The following RCAN3 variants were observed in gnomAD, a reference collection of about 807,000 sequenced individuals.
RCAN3 encodes the protein regulator of calcineurin 3, also known as calcipressin-3.
RCAN3 carries 19 observed loss-of-function variants against 21.9 expected under a neutral mutation model. The observed-to-expected ratio is 0.87, with a 90% CI of 0.61 to 1.27. RCAN3 has a LOEUF of 1.27. Among genes scored for constraint, RCAN3 ranks in the 50% most tolerant of loss-of-function variants. The pLI is 0.00. For missense variants in RCAN3, 240 were observed against 300.1 expected (o/e 0.80, Z 1.48); for synonymous variants, 114 against 112.3 (o/e 1.01, Z -0.09).
Position 24,536,991 on chromosome 1 carries a change from C to T in RCAN3, c.*1714C>T, listed in dbSNP as rs1356748647. On this transcript the variant is annotated 3_prime_UTR_variant, in exon 5 of 5. Coordinates refer to ENST00000374395, the MANE Select transcript of RCAN3 (RefSeq NM_013441.4). ...TTTGTCATTTTAACCGACAACCACC[C>T]AATAAATTTACTCTGCAGTTCTGAA... 3 of 152,094 alleles carry T rather than the reference C, an allele frequency of 2.0e-5. No homozygotes were observed. Among genetic ancestry groups the T allele is most frequent in the African/African-American group, 7.2e-5 (3 of 41,396 alleles). The allele number at this position is 152,094 out of a possible 1,614,324, so 9.4% of individuals were successfully genotyped here. A position where few individuals can be genotyped will look rare whatever the true frequency, so the allele number is the denominator to read the frequency against.
chr1:24,520,583 C>CA (rs1398086792), intron 2 of RCAN3, among the ~76,000 whole-genome samples: 1 of 147,890 alleles, frequency 6.8e-6, no homozygotes, highest in African/African-American at 2.5e-5. Context: ...ATCGCAAGGA[C>CA]AAAAAACCAA....
intron 1 of RCAN3, among the ~76,000 whole-genome samples, chr1:24,511,607 C>T (rs3753232): frequency 0.18 from 26,663 of 152,164 alleles, 2,693 homozygotes; most frequent in East Asian, 0.41. Flanking sequence ...AAAACAATTA[C>T]AATGGTAACA....
At chr1:24,524,234 A>C (rs1378451445) in intron 2 of RCAN3, among the ~76,000 whole-genome samples, 2 of 152,196 alleles carry the variant, frequency 1.3e-5, no homozygotes, top group South Asian at 2.1e-4. Flanking sequence ...ATAAAAAATA[A>C]GGAGTTCCAA....
At chr1:24,520,972 T>G (rs1168105192) in intron 2 of RCAN3, among the ~76,000 whole-genome samples, 1 of 152,162 alleles carries the variant, frequency 6.6e-6, no homozygotes, top group Non-Finnish European at 1.5e-5. Flanking sequence ...GAAATTCATA[T>G]AGAACCTCAA....
Position 24,533,220 on chromosome 1 carries a change from T to C in RCAN3, c.507T>C (p.Tyr169=), listed in dbSNP as rs1204149338. The change falls in exon 4 of 5, where the codon TAT becomes TAC. Residue 169 remains tyrosine, a synonymous_variant. Coordinates refer to ENST00000374395, the MANE Select transcript of RCAN3 (RefSeq NM_013441.4). ...AAGATGCGATGCCTGTTATAAATTA[T>C]GATTTACTCTGTGCTGTTTCCAAAT... ...QSEDAMPVIN[Y]DLLCAVSKLG... The C allele has an allele frequency of 5.0e-6, 8 of 1,595,226 alleles. No homozygotes were observed. Among genetic ancestry groups the C allele is most frequent in the Admixed American group, 1.8e-5 (1 of 55,194 alleles).
At chr1:24,505,195 T>TTTTTGTTG (rs1647324308) in intron 1 of RCAN3, among the ~76,000 whole-genome samples, 1 of 151,558 alleles carries the variant, frequency 6.6e-6, no homozygotes, top group South Asian at 2.1e-4. Flanking sequence ...CCTAAGTGGC[T>TTTTTGTTG]TTTTGTTGTT....
chr1:24,532,993 A>T, intron 3 of RCAN3, 90 bp from the exon 4 acceptor site: 1 of 729,202 alleles, frequency 1.4e-6, no homozygotes, highest in Non-Finnish European at 1.9e-6. Flanking sequence ...TTAATTTTCT[A>T]CAAAAAGATG....
intron 1 of RCAN3, among the ~76,000 whole-genome samples, chr1:24,506,526 G>T (rs191536979): frequency 6.6e-6 from 1 of 151,978 alleles, no homozygotes; most frequent in South Asian, 2.1e-4. Context: ...GGAAGTAAAA[G>T]GGGTATGCTC....
At chr1:24,510,690 C>T (rs1373755292) in intron 1 of RCAN3, among the ~76,000 whole-genome samples, 1 of 152,174 alleles carries the variant, frequency 6.6e-6, no homozygotes, top group East Asian at 1.9e-4. Flanking sequence ...GCCTTTTTAG[C>T]ATTTGTGTGT....
At position 24,539,703 on chromosome 1, in the gene RCAN3, C is replaced by T. The variant is rs1650407373; in HGVS notation, c.*4426C>T. 1 of 152,192 alleles carries T rather than the reference C, an allele frequency of 6.6e-6. No homozygotes were observed. The highest frequency in any genetic ancestry group is 6.5e-5 in the Admixed American group (1 of 15,272). 9.4% of individuals were successfully genotyped at this position (152,192 alleles called of 1,614,324 possible). On this transcript the variant is annotated 3_prime_UTR_variant, in exon 5 of 5. Coordinates refer to ENST00000374395, the MANE Select transcript of RCAN3 (RefSeq NM_013441.4). ...AGATTTATTTTAAAAGGGAAAATCT[C>T]ACACATAATTAAGCAGTGGAAAATG...
intron 1 of RCAN3, among the ~76,000 whole-genome samples, chr1:24,507,160 A>C (rs1207788232): frequency 1.3e-5 from 2 of 152,166 alleles, no homozygotes; most frequent in African/African-American, 4.8e-5. Context: ...AACCTGGCCC[A>C]TACCTGCCTT....
chr1:24,526,230 T>A lies in RCAN3; in HGVS notation c.196-4988T>A, dbSNP rs148585762. Among the ~76,000 whole-genome samples the A allele has an allele frequency of 2.8e-3, 427 of 152,248 alleles. 1 individual carries two copies. The highest frequency in any genetic ancestry group is 0.011 in the Admixed American group (164 of 15,274). On this transcript the variant is annotated intron_variant, in intron 2 of 4. Coordinates refer to ENST00000374395, the MANE Select transcript of RCAN3 (RefSeq NM_013441.4). ...CCTTAGCCAACCGAGTAGATAAGAC[T>A]ACAAGCGTATGCCACCATGCCTGGC...
chr1:24,505,238 T>TG (rs1647345955), intron 1 of RCAN3, among the ~76,000 whole-genome samples: 1 of 141,506 alleles, frequency 7.1e-6, no homozygotes, highest in African/African-American at 2.7e-5. Flanking sequence ...TTTTCTTTTT[T>TG]TTTTTTTTTT....
intron 4 of RCAN3, among the ~76,000 whole-genome samples, chr1:24,533,837 G>A (rs1480694909): frequency 1.3e-5 from 2 of 152,098 alleles, no homozygotes; most frequent in Non-Finnish European, 2.9e-5. Flanking sequence ...ATTAAATGAT[G>A]TATAGATAAT....
intron 2 of RCAN3, among the ~76,000 whole-genome samples, chr1:24,528,531 CAAAAG>C (rs748787087): frequency 6.6e-6 from 1 of 152,080 alleles, no homozygotes; most frequent in Non-Finnish European, 1.5e-5. Flanking sequence ...AATACATAAT[CAAAAG>C]AAAGCTACAC....
intron 2 of RCAN3, 75 bp downstream of exon 2, chr1:24,514,642 C>A: frequency 7.1e-7 from 1 of 1,407,134 alleles, no homozygotes; most frequent in Non-Finnish European, 9.8e-7. Context: ...CAGAGCTTGA[C>A]TGGTCCCTGA....
At chr1:24,514,147 G>T (rs1380422914) in intron 1 of RCAN3, among the ~76,000 whole-genome samples, 167 bp from the exon 2 acceptor site, 5 of 152,042 alleles carry the variant, frequency 3.3e-5, no homozygotes, top group Admixed American at 3.3e-4. Context: ...TCAAATTAGC[G>T]TATCTAGAAT....
intron 1 of RCAN3, among the ~76,000 whole-genome samples, chr1:24,510,394 A>T (rs1234049339): frequency 1.4e-4 from 22 of 152,238 alleles, no homozygotes; most frequent in Admixed American, 1.4e-3. Context: ...CAATGACCTT[A>T]GCTAGATCTT....
intron 2 of RCAN3, among the ~76,000 whole-genome samples, chr1:24,521,764 C>T (rs1469981249): frequency 1.3e-5 from 2 of 152,132 alleles, no homozygotes; most frequent in Non-Finnish European, 2.9e-5. Context: ...AGGAGAATCG[C>T]TTGAACCTGG....
Sources: gnomAD v4.1 joint callset for allele counts (sites outside exome capture counted in the v4.1 genomes callset) on GRCh38, gnomAD v4.1.1 for gene constraint, MANE v1.5 for transcripts, NCBI Gene and HGNC (gene_info 2026-07-23, HGNC 2026-07-21) for gene names.